MAD2L2: variants seen among roughly 807,000 people sequenced by gnomAD.
MAD2L2 encodes the protein mitotic spindle assembly checkpoint protein MAD2B.
MAD2L2 carries 17 observed loss-of-function variants against 30.5 expected under a neutral mutation model. The observed-to-expected ratio is 0.56, with a 90% CI of 0.38 to 0.84. The LOEUF (loss-of-function observed/expected upper bound fraction) is 0.84. Among genes scored for constraint, MAD2L2 ranks in the 40% least tolerant of loss-of-function variants. The pLI is 0.00. For synonymous variants in MAD2L2, 101 were observed against 113.9 expected (o/e 0.89, Z 0.72); for missense variants, 213 against 277.4 (o/e 0.77, Z 1.65).
rs537886493 is a variant in MAD2L2 at position 11,688,609 on chromosome 1, C to T, written c.-692+2804G>A. Among the ~76,000 whole-genome samples the T allele has an allele frequency of 6.6e-6, 1 of 152,062 alleles. No homozygotes were observed. Among genetic ancestry groups the T allele is most frequent in the Admixed American group, 6.6e-5 (1 of 15,254 alleles). On this transcript the variant is annotated intron_variant, in intron 1 of 10. Coordinates refer to the MAD2L2 transcript ENST00000235310. The surrounding 1 kb of genome is among the most constrained non-coding windows in gnomAD (Gnocchi z 4.6). ...CAGCAAACCTGCTAAAAACCTAAGT[C>T]GGATCATGTCTCTGCTCTGCTCATG...
chr1:11,686,807 T>TAAAAAAAAAAAAAAAAAAAAAAAAA (rs560855200), intron 1 of MAD2L2, among the ~76,000 whole-genome samples: 1 of 104,490 alleles, frequency 9.6e-6, no homozygotes, highest in Admixed American at 1.1e-4. Flanking sequence ...ACTGCCACTT[T>TAAAAAAAAAAAAAAAAAAAAAAAAA]AAAAAAAAAA....
Position 11,676,046 on chromosome 1 carries a change from C to A in MAD2L2, c.427G>T (p.Gly143Cys). ...CDAVLDHNPP[G>C]CTFTVLVHTR... The stretch of plus-strand genomic sequence containing the variant: ...AAGAGAGGGTGGGGAGTGGACACAC[C>A]TGGGGGGTTGTGGTCCAGGACGGCA... Residue 143 changes from glycine to cysteine, a missense_variant and splice_region_variant, in exon 6 of 9, where the codon GGC becomes TGC. Physicochemically the swap from Gly to Cys is radical, Grantham distance 159 (BLOSUM62 -3). Transcript: ENST00000376692. The A allele has an allele frequency of 6.2e-7, 1 of 1,612,944 alleles. No homozygotes were observed. The highest frequency in any genetic ancestry group is 8.5e-7 in the Non-Finnish European group (1 of 1,179,290).
At chr1:11,680,655 A>C in intron 1 of MAD2L2, 42 bp from the exon 2 acceptor site, 5 of 1,513,366 alleles carry the variant, frequency 3.3e-6, no homozygotes, top group Non-Finnish European at 4.4e-6. Context: ...CCAGAGACCC[A>C]GGAGCCCAGA....
intron 3 of MAD2L2, among the ~76,000 whole-genome samples, chr1:11,679,904 TC>T (rs907848053): frequency 6.7e-6 from 1 of 150,282 alleles, no homozygotes; most frequent in African/African-American, 2.5e-5. Context: ...TGGGTAGGCA[TC>T]ACCACTTTGG....
In MAD2L2 at chr1:11,688,037, C is replaced by A. The variant is rs1570296893; in HGVS notation, c.-692+3376G>T. 1.3e-5 allele frequency among the ~76,000 whole-genome samples: 2 copies of A among 152,282 alleles called. No homozygotes were observed. The highest frequency in any genetic ancestry group is 4.8e-5 in the African/African-American group (2 of 41,564). Reference sequence around the variant, plus strand: ...AGCTCCAAGCACATCGGAAGATCACCCAGCCAGGGGACAGCCACAGTAGCA... The same window carrying A: ...AGCTCCAAGCACATCGGAAGATCACACAGCCAGGGGACAGCCACAGTAGCA... On this transcript the variant is annotated intron_variant, in intron 1 of 10. Coordinates refer to the MAD2L2 transcript ENST00000235310. This position sits in a 1 kb window ranked among gnomAD's most constrained non-coding sequence, Gnocchi z 4.6.
rs969938628 is a variant in MAD2L2, at chr1:11,681,146, G to A, written c.-120C>T. On this transcript the variant is annotated 5_prime_UTR_variant, in exon 1 of 9. Coordinates refer to ENST00000376692, the MANE Select transcript of MAD2L2 (RefSeq NM_006341.4). ...TCAACCCGGGGCCTCGGCGCCGCTC[G>A]GTGACGTTCACGGCGCTCCGGTGGG... 6.6e-6 allele frequency: 1 copy of A among 152,268 alleles called. No homozygotes were observed. The highest frequency in any genetic ancestry group is 1.5e-5 in the Non-Finnish European group (1 of 68,042). The allele number at this position is 152,268 out of a possible 1,614,324, so 9.4% of individuals were successfully genotyped here.
Position 11,674,745 on chromosome 1 carries a change from T to C in MAD2L2, c.*30A>G, listed in dbSNP as rs748766499. The C allele has an allele frequency of 6.2e-7, 1 of 1,612,190 alleles. No homozygotes were observed. Among genetic ancestry groups the C allele is most frequent in the East Asian group, 2.2e-5 (1 of 44,860 alleles). The stretch of plus-strand genomic sequence containing the variant: ...CGGGGATCCCCCAAAGTCTGACAGT[T>C]TGGGCATCAGTGGGGTGGCAGGTGC... On this transcript the variant is annotated 3_prime_UTR_variant, in exon 9 of 9. Coordinates refer to ENST00000376692, the MANE Select transcript of MAD2L2 (RefSeq NM_006341.4). The surrounding 1 kb of genome is among the most constrained non-coding windows in gnomAD (Gnocchi z 6.1).
At chr1:11,686,467 C>T (rs574004927) in intron 1 of MAD2L2, among the ~76,000 whole-genome samples, 45 of 152,332 alleles carry the variant, frequency 3.0e-4, no homozygotes, top group Non-Finnish European at 5.4e-4. Context: ...CAGGGTCTCG[C>T]TGTGTTACCC....
Position 11,687,454 on chromosome 1 carries a change from G to A in MAD2L2, c.-692+3959C>T, listed in dbSNP as rs984582001. Among the ~76,000 whole-genome samples the A allele has an allele frequency of 6.6e-6, 1 of 152,174 alleles. No homozygotes were observed. The highest frequency in any genetic ancestry group is 1.5e-5 in the Non-Finnish European group (1 of 68,038). On this transcript the variant is annotated intron_variant, in intron 1 of 10. Transcript: ENST00000235310. This position sits in a 1 kb window ranked among gnomAD's most constrained non-coding sequence, Gnocchi z 4.1. ...GAGGTTTTGCCATATTGGCCAGGCTGGTCTCGAACTCCTGACCTCAGGTGA... is the reference window on the plus strand; with the variant it reads ...GAGGTTTTGCCATATTGGCCAGGCTAGTCTCGAACTCCTGACCTCAGGTGA...
Position 11,687,072 on chromosome 1 carries a change from T to C in MAD2L2, c.-692+4341A>G, listed in dbSNP as rs534876653. Among the ~76,000 whole-genome samples the C allele has an allele frequency of 1.9e-4, 29 of 152,192 alleles. No homozygotes were observed. The highest frequency in any genetic ancestry group is 6.0e-4 in the African/African-American group (25 of 41,520). On this transcript the variant is annotated intron_variant, in intron 1 of 10. Transcript: ENST00000235310. The surrounding 1 kb of genome is among the most constrained non-coding windows in gnomAD (Gnocchi z 4.1). ...ATTGTCCAATTTTTTTATTTTTTTA[T>C]TTTATTTTTTGGAGACAGGGTCTCA... is the stretch of plus-strand genomic sequence containing the variant.
upstream of MAD2L2, among the ~76,000 whole-genome samples, chr1:11,684,182 G>C (rs997749681): frequency 6.6e-6 from 1 of 152,136 alleles, no homozygotes; most frequent in South Asian, 2.1e-4. Flanking sequence ...GCGGGGGCAG[G>C]GGCAGGGGGC....
In MAD2L2 at chr1:11,677,532, T is replaced by C; in HGVS notation, c.231+11A>G. On this transcript the variant is annotated intron_variant, in intron 4 of 8. Transcript: ENST00000376692. ...GGGGTGAGATGGCTGGGGAGCCCAGTGCACCCTCACCTTCTCCAGGAGTGG... is the reference window on the plus strand; with the variant it reads ...GGGGTGAGATGGCTGGGGAGCCCAGCGCACCCTCACCTTCTCCAGGAGTGG... 1.9e-6 allele frequency: 3 copies of C among 1,613,336 alleles called. No homozygotes were observed. The highest frequency in any genetic ancestry group is 2.5e-6 in the Non-Finnish European group (3 of 1,179,448).
rs1013906762 is a variant in MAD2L2 at position 11,690,307 on chromosome 1, G to C, written c.-692+1106C>G. On this transcript the variant is annotated intron_variant, in intron 1 of 10. Transcript: ENST00000235310. The surrounding 1 kb of genome is among the most constrained non-coding windows in gnomAD (Gnocchi z 4.2). The stretch of plus-strand genomic sequence containing the variant: ...GGATGGATGACTCAAACCTTTCAGT[G>C]AATAAACAGTTCAGTGTTCTCATCA... Among the ~76,000 whole-genome samples the C allele has an allele frequency of 6.6e-6, 1 of 152,128 alleles. No homozygotes were observed. Among genetic ancestry groups the C allele is most frequent in the African/African-American group, 2.4e-5 (1 of 41,434 alleles).
Position 11,680,577 on chromosome 1 carries a change from G to A in MAD2L2, c.25C>T (p.Leu9Phe). 6.3e-7 allele frequency: 1 copy of A among 1,591,718 alleles called. No individual in the cohort carries two copies. The highest frequency in any genetic ancestry group is 8.6e-7 in the Non-Finnish European group (1 of 1,166,508). MTTLTRQD[L>F]NFGQVVADVL... Reference sequence around the variant, plus strand: ...GCCTCCCTACCTTGGCCAAAGTTGAGGTCTTGTCGTGTGAGCGTGGTCATC... The same window carrying A: ...GCCTCCCTACCTTGGCCAAAGTTGAAGTCTTGTCGTGTGAGCGTGGTCATC... The change falls in exon 2 of 9, where the codon CTC becomes TTC. Residue 9 changes from leucine (L) to phenylalanine (F), a missense_variant. Physicochemically the swap from Leu to Phe is conservative, Grantham distance 22. Coordinates refer to ENST00000376692, the MANE Select transcript of MAD2L2 (RefSeq NM_006341.4).
At chr1:11,684,639 A>C (rs1570293781), upstream of MAD2L2, among the ~76,000 whole-genome samples, 1 of 152,240 alleles carries the variant, frequency 6.6e-6, no homozygotes, top group East Asian at 1.9e-4. Context: ...CAGTGAGTGA[A>C]CCGGGCAATG....
At chr1:11,681,615 A>G (rs1640881918), upstream of MAD2L2, 2 of 152,156 alleles carry the variant, frequency 1.3e-5, no homozygotes, top group African/African-American at 4.8e-5. Flanking sequence ...TTAAAAATAA[A>G]AAAAAGAGGG....
At chr1:11,689,911 T>C (rs890742579) in intron 1 of MAD2L2, among the ~76,000 whole-genome samples, 1 of 151,858 alleles carries the variant, frequency 6.6e-6, no homozygotes. Context: ...CTGACTCTTC[T>C]CCACCAAACA....
At chr1:11,675,278 C>A in intron 7 of MAD2L2, 104 bp from the exon 8 acceptor site, 1 of 742,610 alleles carries the variant, frequency 1.3e-6, no homozygotes, top group Non-Finnish European at 2.2e-6. Flanking sequence ...ACCTGAGCCT[C>A]AGAATCACTA....
chr1:11,691,101 G>A (rs751736111), intron 1 of MAD2L2, among the ~76,000 whole-genome samples: 45 of 152,126 alleles, frequency 3.0e-4, no homozygotes, highest in Non-Finnish European at 5.1e-4. Flanking sequence ...AACCCCGCCT[G>A]CCCACTCTGC....
Sources: gnomAD v4.1 joint callset for allele counts (sites outside exome capture counted in the v4.1 genomes callset) on GRCh38, gnomAD v4.1.1 for gene constraint, Gnocchi (gnomAD v3.1) non-coding constraint, MANE v1.5 for transcripts, NCBI Gene and HGNC (gene_info 2026-07-23, HGNC 2026-07-21) for gene names.